The following ACSF3 variants were observed in gnomAD, a reference collection of about 807,000 sequenced individuals.
ACSF3 encodes the protein malonate--CoA ligase ACSF3, mitochondrial.
A neutral mutation model predicts 53.2 loss-of-function variants in ACSF3; 78 were observed. That is an observed-to-expected ratio of 1.47 (90% CI 1.22 to 1.77). The LOEUF (loss-of-function observed/expected upper bound fraction) is 1.77, where lower values mean the gene tolerates loss of function less well. ACSF3 is among the 40% of genes most tolerant of loss of function. The pLI is 0.00. For synonymous variants in ACSF3, 414 were observed against 333.1 expected (o/e 1.24, Z -2.65); for missense variants, 937 against 771.1 (o/e 1.22, Z -2.55).
In ACSF3 at chr16:89,100,977, C is replaced by G. The variant is rs1370599152; in HGVS notation, c.296C>G (p.Ser99Cys). 6.2e-7 allele frequency: 1 copy of G among 1,613,538 alleles called. No individual in the cohort carries two copies. The highest frequency in any genetic ancestry group is 2.2e-5 in the East Asian group (1 of 44,890). Residue 99 changes from serine to cysteine, a missense_variant, in exon 3 of 11, where the codon TCC (serine) becomes TGC (cysteine). By Grantham distance (112) the Ser-to-Cys change is moderately radical. Transcript: ENST00000614302. ...GGGGACCTCCGGGAGGAGAGGGTCT[C>G]CTTCCTATGCGCTAACGATGCCTCC... ...VGGDLREERV[S>C]FLCANDASYV...
In ACSF3 at chr16:89,146,017, A is replaced by G. The variant is rs753356664; in HGVS notation, c.1581A>G (p.Ser527=). ...TAVVTLREGH[S]LSHRELKEWA... is the part of the protein sequence containing the mutation. ...TGGTGACCCTCCGAGAAGGACACTC[A>G]CTGTCCCACAGGGAGCTCAAAGAGT... Residue 527 remains serine, a synonymous_variant, in exon 10 of 11, where the codon TCA becomes TCG. Coordinates refer to ENST00000614302, the MANE Select transcript of ACSF3 (RefSeq NM_001243279.3). 10 of 1,548,176 alleles carry G rather than the reference A, an allele frequency of 6.5e-6. No homozygotes were observed. Among genetic ancestry groups the G allele is most frequent in the Non-Finnish European group, 7.9e-6 (9 of 1,140,470 alleles).
rs1342029414 is a variant in ACSF3, at chr16:89,102,593, G to A, written c.667-11G>A. ...TGCTCTTGCTCTCAGCTGTGCTCTC[G>A]TCCCCTGCAGGTGACCGGGCTGGTC... On this transcript the variant is annotated splice_polypyrimidine_tract_variant and intron_variant, in intron 3 of 10. Transcript: ENST00000614302. The A allele has an allele frequency of 9.3e-6, 15 of 1,613,130 alleles. No individual in the cohort carries two copies. The highest frequency in any genetic ancestry group is 2.2e-5 in the East Asian group (1 of 44,902).
chr16:89,098,927 G>T (rs573137492), intron 2 of ACSF3, among the ~76,000 whole-genome samples, 164 bp downstream of exon 2: 2 of 152,256 alleles, frequency 1.3e-5, no homozygotes, highest in Non-Finnish European at 2.9e-5. Context: ...CTTGTTCAAA[G>T]TCCCTGAAAA....
chr16:89,102,477 C>G lies in ACSF3; in HGVS notation c.667-127C>G, dbSNP rs536459051. 1.2e-5 allele frequency: 13 copies of G among 1,112,390 alleles called. No homozygotes were observed. In the African/African-American group the frequency reaches 2.0e-4, roughly 17 times the overall value. 68.9% of individuals were successfully genotyped at this position (1,112,390 alleles called of 1,614,324 possible). On this transcript the variant is annotated intron_variant, in intron 3 of 10. Coordinates refer to ENST00000614302, the MANE Select transcript of ACSF3 (RefSeq NM_001243279.3). ...GCTGCTAAAGGGGAGCAACAAAGAG[C>G]CAGCCTTCTCCTTCCCCTTCCTCAG...
intron 8 of ACSF3, among the ~76,000 whole-genome samples, chr16:89,135,074 T>TG (rs1300294219): frequency 4.0e-5 from 6 of 150,186 alleles, no homozygotes; most frequent in African/African-American, 1.5e-4. Context: ...TTTCCTGGTT[T>TG]TTTTTTTTTT....
intron 8 of ACSF3, among the ~76,000 whole-genome samples, chr16:89,136,317 T>G (rs181702222): frequency 1.8e-3 from 277 of 152,304 alleles, no homozygotes; most frequent in Admixed American, 5.9e-3. Context: ...TAGAAAATGA[T>G]TTTGAAATTC....
chr16:89,145,049 C>T (rs951172185), intron 8 of ACSF3: 58 of 1,302,366 alleles, frequency 4.5e-5, no homozygotes, highest in South Asian at 1.5e-4. Context: ...ATCATGGGCA[C>T]AGTCCCACCT....
At chr16:89,124,312 T>C (rs1372635356) in intron 7 of ACSF3, among the ~76,000 whole-genome samples, 1 of 152,164 alleles carries the variant, frequency 6.6e-6, no homozygotes, top group Non-Finnish European at 1.5e-5. Flanking sequence ...ACTGCATATA[T>C]GTGTGTGTGA....
intron 4 of ACSF3, among the ~76,000 whole-genome samples, chr16:89,109,402 G>C (rs968877585): frequency 2.6e-5 from 3 of 116,222 alleles, no homozygotes; most frequent in African/African-American, 6.4e-5. Context: ...CTGATGTTAA[G>C]CTTTTTTTTT....
rs1472171574 is a variant in ACSF3, at chr16:89,155,670, G to A, written c.*1463G>A. ...GGCAGTCAGAGACTACAGTCCAGAC[G>A]TTTGTGTCTAGGCCTTGCTGGTAGC... On this transcript the variant is annotated 3_prime_UTR_variant, in exon 11 of 11. Transcript: ENST00000614302. The A allele has an allele frequency of 6.6e-6, 3 of 454,024 alleles. No homozygotes were observed. The highest frequency in any genetic ancestry group is 6.9e-5 in the East Asian group (1 of 14,416). 28.1% of individuals were successfully genotyped at this position (454,024 alleles called of 1,614,324 possible).
chr16:89,145,551 G>A, intron 9 of ACSF3, 150 bp downstream of exon 9: 2 of 1,039,490 alleles, frequency 1.9e-6, no homozygotes, highest in Non-Finnish European at 2.8e-6. Flanking sequence ...CCCTGGCCAG[G>A]GAACATGGGG....
chr16:89,141,384 G>GGCA, intron 8 of ACSF3: 1 of 1,156,284 alleles, frequency 8.6e-7, no homozygotes, highest in South Asian at 1.3e-5. Context: ...TGTTCCAAGG[G>GGCA]GCAAGCTCAG....
At chr16:89,096,177 G>A (rs1203335814) in intron 1 of ACSF3, among the ~76,000 whole-genome samples, 4 of 152,174 alleles carry the variant, frequency 2.6e-5, no homozygotes, top group Non-Finnish European at 4.4e-5. Flanking sequence ...GCCCAGCCAC[G>A]TGGTGACGCC....
At chr16:89,111,051 T>G (rs998840292) in intron 4 of ACSF3, among the ~76,000 whole-genome samples, 4 of 152,254 alleles carry the variant, frequency 2.6e-5, no homozygotes, top group African/African-American at 9.6e-5. Context: ...GCAGTTCCAC[T>G]TCTCTTTGCA....
chr16:89,137,631 C>T lies in ACSF3; in HGVS notation c.1366+4369C>T, dbSNP rs1020640236. On this transcript the variant is annotated intron_variant, in intron 8 of 10. Coordinates refer to ENST00000614302, the MANE Select transcript of ACSF3 (RefSeq NM_001243279.3). ...GAGCCCCAGGTCCCGGGAGGACCACCAGGAGCTCACGGGGAAGGACTGAGG... is the reference window on the plus strand; with the variant it reads ...GAGCCCCAGGTCCCGGGAGGACCACTAGGAGCTCACGGGGAAGGACTGAGG... Among the ~76,000 whole-genome samples the T allele has an allele frequency of 5.3e-5, 8 of 149,932 alleles. 1 individual carries two copies. Among genetic ancestry groups the T allele is most frequent in the Admixed American group, 4.0e-4 (6 of 15,164 alleles).
In ACSF3 at chr16:89,107,998, G is replaced by A. The variant is rs369025140; in HGVS notation, c.823-4094G>A. 4.6e-5 allele frequency among the ~76,000 whole-genome samples: 7 copies of A among 152,280 alleles called. No individual in the cohort carries two copies. In the South Asian group the frequency reaches 1.2e-3, roughly 27 times the overall value. Reference sequence around the variant, plus strand: ...GGAGGCCTCAGAATCATGGTGGGAGGCAAAAGGCACTTCTTACATGGCGGT... The same window carrying A: ...GGAGGCCTCAGAATCATGGTGGGAGACAAAAGGCACTTCTTACATGGCGGT... On this transcript the variant is annotated intron_variant, in intron 4 of 10. Coordinates refer to ENST00000614302, the MANE Select transcript of ACSF3 (RefSeq NM_001243279.3).
chr16:89,131,098 GC>G (rs1364798881), intron 7 of ACSF3, among the ~76,000 whole-genome samples: 4 of 141,240 alleles, frequency 2.8e-5, no homozygotes, highest in African/African-American at 1.1e-4. Flanking sequence ...CCAAGTGTTT[GC>G]CCTTTCTTTC....
At chr16:89,095,620 T>G (rs1974524565) in intron 1 of ACSF3, among the ~76,000 whole-genome samples, 6 of 148,650 alleles carry the variant, frequency 4.0e-5, no homozygotes, top group South Asian at 2.2e-4. Flanking sequence ...GGGTGTCAGG[T>G]GTGGTGGTGA....
intron 8 of ACSF3, chr16:89,136,744 C>G: frequency 7.8e-7 from 1 of 1,287,286 alleles, no homozygotes; most frequent in Non-Finnish European, 1.0e-6. Context: ...TGCCTACAGC[C>G]CGCTTCTGCC....
Sources: allele counts gnomAD v4.1 joint callset (sites outside exome capture counted in the v4.1 genomes callset), GRCh38; gene constraint gnomAD v4.1.1; transcripts MANE v1.5; gene names NCBI Gene and HGNC (gene_info 2026-07-23, HGNC 2026-07-21).